The following TAF4B variants were observed in gnomAD, a reference collection of about 807,000 sequenced individuals.
TAF4B encodes transcription initiation factor TFIID subunit 4B.
Under a neutral mutation model 86.4 loss-of-function variants are expected in TAF4B, and 38 were observed. That is an observed-to-expected ratio of 0.44 (90% CI 0.34 to 0.58). TAF4B has a LOEUF of 0.58. TAF4B is among the 20% of genes least tolerant of loss of function. The pLI, the probability that TAF4B is intolerant of heterozygous loss-of-function variation, is 0.02. For missense variants in TAF4B, 988 were observed against 1,027.6 expected, an observed-to-expected ratio of 0.96 and a Z score of 0.53; for synonymous variants, 388 against 391.2, an observed-to-expected ratio of 0.99 and a Z score of 0.10.
rs747490552 is a variant in TAF4B, at chr18:26,315,224, A to C, written c.1833-5A>C. The stretch of plus-strand genomic sequence containing the variant: ...AAATGTATAACTTTTTTTTTTTTCT[A>C]TTAGAGATGAGGATGACATCAATGA... On this transcript the variant is annotated splice_region_variant and splice_polypyrimidine_tract_variant and intron_variant, in intron 9 of 14. Coordinates refer to ENST00000269142, the MANE Select transcript of TAF4B (RefSeq NM_005640.3). 6.7e-7 allele frequency: 1 copy of C among 1,490,554 alleles called. No individual in the cohort carries two copies. The highest frequency in any genetic ancestry group is 1.3e-5 in the South Asian group (1 of 79,338). 92.3% of individuals were successfully genotyped at this position (1,490,554 alleles called of 1,614,324 possible). A position where few individuals can be genotyped will look rare whatever the true frequency, so the allele number is the denominator to read the frequency against.
chr18:26,353,354 A>T (rs571047875), intron 13 of TAF4B, among the ~76,000 whole-genome samples: 2 of 152,370 alleles, frequency 1.3e-5, no homozygotes, highest in Admixed American at 6.5e-5. Flanking sequence ...ACACCATGTG[A>T]TCCTATCAAT....
intron 7 of TAF4B, among the ~76,000 whole-genome samples, chr18:26,287,664 T>G (rs1444143335): frequency 3.3e-5 from 5 of 152,214 alleles, no homozygotes. Context: ...GTGAATGTCC[T>G]TGTTCTCTTT....
At chr18:26,335,520 C>T (rs1376574036) in intron 13 of TAF4B, among the ~76,000 whole-genome samples, 1 of 152,084 alleles carries the variant, frequency 6.6e-6, no homozygotes, top group Non-Finnish European at 1.5e-5. Context: ...AAAAAAGAAA[C>T]TTTTGAGATT....
At chr18:26,299,694 A>G (rs898932327) in intron 9 of TAF4B, among the ~76,000 whole-genome samples, 1 of 152,138 alleles carries the variant, frequency 6.6e-6, no homozygotes, top group Admixed American at 6.5e-5. Context: ...AGTCAATTTC[A>G]TTGATAGATA....
At chr18:26,291,931 CCTGT>C (rs1185566611) in intron 7 of TAF4B, among the ~76,000 whole-genome samples, 3 of 152,014 alleles carry the variant, frequency 2.0e-5, no homozygotes, top group East Asian at 3.9e-4. Context: ...TTTGTTTTAT[CCTGT>C]CTGTTTTTAT....
intron 9 of TAF4B, among the ~76,000 whole-genome samples, chr18:26,308,025 C>T (rs1269459895): frequency 6.6e-6 from 1 of 152,078 alleles, no homozygotes; most frequent in African/African-American, 2.4e-5. Flanking sequence ...GGGAGAATTG[C>T]TTGAACCTGG....
chr18:26,318,873 T>A (rs1458850683), intron 10 of TAF4B, among the ~76,000 whole-genome samples: 2 of 152,236 alleles, frequency 1.3e-5, no homozygotes, highest in Non-Finnish European at 2.9e-5. Flanking sequence ...TACCTCTGTT[T>A]TATGAATACA....
chr18:26,284,644 G>C (rs1446807059), intron 6 of TAF4B, among the ~76,000 whole-genome samples: 1 of 152,186 alleles, frequency 6.6e-6, no homozygotes, highest in South Asian at 2.1e-4. Flanking sequence ...TTGGGAGGCC[G>C]AGGTTGGCGG....
At chr18:26,387,500 A>G (rs1978442916) in intron 14 of TAF4B, among the ~76,000 whole-genome samples, 3 of 152,198 alleles carry the variant, frequency 2.0e-5, no homozygotes, top group Non-Finnish European at 4.4e-5. Context: ...TTTGATGGTA[A>G]TAATTTACAA....
chr18:26,265,216 T>C lies in TAF4B; in HGVS notation c.390T>C (p.Ser130=). 1.2e-6 allele frequency: 2 copies of C among 1,614,018 alleles called. No homozygotes were observed. Among genetic ancestry groups the C allele is most frequent in the Non-Finnish European group, 1.7e-6 (2 of 1,180,010 alleles). ...KSNSGPLMLV[S]PQQTVTRAET... ...ACAGTGGTCCGTTGATGTTGGTATC[T>C]CCTCAGCAAACTGTAACAAGAGCCG... is the stretch of plus-strand genomic sequence containing the variant. The change falls in exon 2 of 15, where the codon TCT becomes TCC. Residue 130 remains serine (S), a synonymous_variant. Transcript: ENST00000269142.
chr18:26,315,312 C>G lies in TAF4B; in HGVS notation c.1916C>G (p.Ser639Cys), dbSNP rs766101403. 1 of 1,613,666 alleles carries G rather than the reference C, an allele frequency of 6.2e-7. No homozygotes were observed. Among genetic ancestry groups the G allele is most frequent in the Admixed American group, 1.7e-5 (1 of 59,998 alleles). The change falls in exon 10 of 15, where the codon TCT (serine) becomes TGT (cysteine). Residue 639 changes from serine to cysteine, a missense_variant. Ser to Cys is a moderately radical substitution (Grantham distance 112). This residue lies in a region of TAF4B where 25 missense variants were observed against 51.3 expected (regional missense o/e 0.49). Transcript: ENST00000269142. ...AATGCCTGCATCTTAGCAACAAACTCTGAATTGGTTGGCACACTCATTCAG... is the reference window on the plus strand; with the variant it reads ...AATGCCTGCATCTTAGCAACAAACTGTGAATTGGTTGGCACACTCATTCAG... ...EENACILATN[S>C]ELVGTLIQSC...
At position 26,321,201 on chromosome 18, in the gene TAF4B, G is replaced by T; in HGVS notation, c.2133+1G>T. 6.2e-7 allele frequency: 1 copy of T among 1,613,430 alleles called. No homozygotes were observed. Among genetic ancestry groups the T allele is most frequent in the Non-Finnish European group, 8.5e-7 (1 of 1,179,608 alleles). ...TCAGCATCGAATGACTACTTACAAG[G>T]TAAAGGAAATCATTAAAGAAGTATA... On this transcript the variant is annotated splice_donor_variant, in intron 11 of 14. Transcript: ENST00000269142. LOFTEE classifies it high-confidence loss of function.
chr18:26,235,498 G>A (rs1343572823), intron 1 of TAF4B, among the ~76,000 whole-genome samples: 3 of 152,190 alleles, frequency 2.0e-5, no homozygotes, highest in Non-Finnish European at 4.4e-5. Context: ...GAGATCTAGA[G>A]TAGCCTGCTG....
At chr18:26,318,767 TACA>T (rs2056935215) in intron 10 of TAF4B, among the ~76,000 whole-genome samples, 1 of 152,266 alleles carries the variant, frequency 6.6e-6, no homozygotes. Flanking sequence ...GTGAAGACAT[TACA>T]ACATTTGGTT....
intron 3 of TAF4B, among the ~76,000 whole-genome samples, chr18:26,274,218 A>G (rs977689304): frequency 6.6e-6 from 1 of 152,216 alleles, no homozygotes; most frequent in African/African-American, 2.4e-5. Flanking sequence ...TAAATTTTAG[A>G]TAATAAGTAG....
chr18:26,228,685 C>T (rs1009914376), intron 1 of TAF4B, among the ~76,000 whole-genome samples: 4 of 151,358 alleles, frequency 2.6e-5, no homozygotes, highest in African/African-American at 9.7e-5. Flanking sequence ...ATCGCTTGAA[C>T]CCGGGAGGTG....
chr18:26,227,649 T>TATGA (rs1264049929), intron 1 of TAF4B, among the ~76,000 whole-genome samples: 3 of 152,136 alleles, frequency 2.0e-5, no homozygotes, highest in Non-Finnish European at 4.4e-5. Context: ...TTTTATTAAT[T>TATGA]ATGAATGAAT....
Position 26,317,261 on chromosome 18 carries a change from C to T in TAF4B, c.2002+1863C>T, listed in dbSNP as rs149986837. ...GGCCAGGCTGGTCTTGAACTCCTGA[C>T]GTCAAGTCATCCACCCGCCTTGGCC... On this transcript the variant is annotated intron_variant, in intron 10 of 14. Transcript: ENST00000269142. Among the ~76,000 whole-genome samples, 1,465 of 152,156 alleles carry T rather than the reference C, an allele frequency of 9.6e-3. 13 individuals are homozygous for T. The highest frequency in any genetic ancestry group is 0.033 in the African/African-American group (1,359 of 41,498).
At position 26,274,729 on chromosome 18, in the gene TAF4B, C is replaced by G. The variant is rs765919172; in HGVS notation, c.664C>G (p.Leu222Val). The change falls in exon 4 of 15, where the codon CTG (leucine) becomes GTG (valine). Residue 222 changes from leucine (L) to valine (V), a missense_variant. Leu to Val is a conservative substitution (Grantham distance 32). This residue lies in a region of TAF4B where 747 missense variants were observed against 737.9 expected (regional missense o/e 1.01). Transcript: ENST00000269142. ...PGKPLNTVTT[L>V]KPSSLGASST... is the part of the protein sequence containing the mutation. ...AAAGCCATTGAATACTGTAACTACCCTGAAGCCTTCAAGTTTGGGAGCATC... is the reference window on the plus strand; with the variant it reads ...AAAGCCATTGAATACTGTAACTACCGTGAAGCCTTCAAGTTTGGGAGCATC... The G allele has an allele frequency of 6.2e-7, 1 of 1,614,174 alleles. No homozygotes were observed.
Sources: allele counts gnomAD v4.1 joint callset (sites outside exome capture counted in the v4.1 genomes callset), GRCh38; gene constraint gnomAD v4.1.1; regional missense constraint gnomAD v4.1.1; transcripts MANE v1.5; gene names NCBI Gene and HGNC (gene_info 2026-07-23, HGNC 2026-07-21).